The following OR1J2 variants were observed in gnomAD, a reference collection of about 807,000 sequenced individuals.
The protein encoded by OR1J2 is olfactory receptor family 1 subfamily J member 2.
For synonymous variants in OR1J2, 142 were observed against 99.7 expected (o/e 1.42, Z -2.52); for missense variants, 304 against 246.1 (o/e 1.24, Z -1.57).
upstream of OR1J2, among the ~76,000 whole-genome samples, chr9:122,506,225 T>C (rs1481769481): frequency 6.6e-6 from 1 of 152,084 alleles, no homozygotes; most frequent in Non-Finnish European, 1.5e-5. Flanking sequence ...AAACAGAGGG[T>C]AGAACAGAAG....
chr9:122,572,558 G>GC, the OR1J2 span, among the ~76,000 whole-genome samples: 1 of 142,476 alleles, frequency 7.0e-6, no homozygotes, highest in Non-Finnish European at 1.5e-5. Context: ...TCATTGTTTT[G>GC]TTTTTTTGGT....
Position 122,511,350 on chromosome 9 carries a change from C to G in OR1J2, c.549C>G (p.Ala183=). ...TIPHVFCDLA[A]LLKLSCSDIF... is the part of the protein sequence containing the mutation. ...CCCATGTCTTCTGTGACCTTGCTGC[C>G]CTGCTCAAGCTGTCCTGCTCAGATA... The change falls in exon 1 of 1, where the codon GCC becomes GCG. Residue 183 remains alanine, a synonymous_variant. Coordinates refer to ENST00000335302, the MANE Select transcript of OR1J2 (RefSeq NM_054107.1). 1 of 731,462 alleles carries G rather than the reference C, an allele frequency of 1.4e-6. No individual in the cohort carries two copies. The highest frequency in any genetic ancestry group is 1.9e-5 in the Admixed American group (1 of 53,346). 45.3% of individuals were successfully genotyped at this position (731,462 alleles called of 1,614,324 possible).
Position 122,510,864 on chromosome 9 carries a change from A to G in OR1J2, c.63A>G (p.Pro21=). The G allele has an allele frequency of 6.2e-7, 1 of 1,611,028 alleles. No individual in the cohort carries two copies. Among genetic ancestry groups the G allele is most frequent in the Non-Finnish European group, 8.5e-7 (1 of 1,177,298 alleles). ...TCCTTCTGGGCCTCCCCATCCGGCCAGAGCAGCAGGCTGTGTTCTTCACCC... is the reference window on the plus strand; with the variant it reads ...TCCTTCTGGGCCTCCCCATCCGGCCGGAGCAGCAGGCTGTGTTCTTCACCC... The part of the protein sequence containing the change: ...EFLLLGLPIR[P]EQQAVFFTLF... Residue 21 remains proline, a synonymous_variant, in exon 1 of 1, where the codon CCA becomes CCG. Coordinates refer to ENST00000335302, the MANE Select transcript of OR1J2 (RefSeq NM_054107.1).
At chr9:122,448,048 G>A in the OR1J2 span, among the ~76,000 whole-genome samples, 1 of 152,144 alleles carries the variant, frequency 6.6e-6, no homozygotes, top group East Asian at 1.9e-4. Context: ...CTAGGGAACT[G>A]GCACTCAGCC....
chr9:122,457,352 A>G, the OR1J2 span, among the ~76,000 whole-genome samples: 14,421 of 152,150 alleles, frequency 0.095, 1,076 homozygotes, highest in East Asian at 0.34. Context: ...AAACCTGCAC[A>G]TGTATCCTGG....
the OR1J2 span, among the ~76,000 whole-genome samples, chr9:122,570,239 C>G: frequency 6.6e-6 from 1 of 151,188 alleles, no homozygotes; most frequent in Non-Finnish European, 1.5e-5. Context: ...GTTCTAGATC[C>G]CTGAGGAATC....
At chr9:122,529,432 G>A in the OR1J2 span, among the ~76,000 whole-genome samples, 1 of 152,162 alleles carries the variant, frequency 6.6e-6, no homozygotes, top group Non-Finnish European at 1.5e-5. Flanking sequence ...ATTTGTGTTG[G>A]CATATACTGC....
At chr9:122,552,749 A>AGTGTGTGTGTGTGT in the OR1J2 span, among the ~76,000 whole-genome samples, 370 of 129,738 alleles carry the variant, frequency 2.9e-3, 6 homozygotes, top group South Asian at 4.2e-3. Flanking sequence ...AGAGGGCTTG[A>AGTGTGTGTGTGTGT]GTGTGTGTGT....
At chr9:122,508,929 T>C (rs918673329), upstream of OR1J2, among the ~76,000 whole-genome samples, 1 of 152,204 alleles carries the variant, frequency 6.6e-6, no homozygotes, top group African/African-American at 2.4e-5. Flanking sequence ...CTTGTTTTCT[T>C]GCTTTTTTCT....
the OR1J2 span, among the ~76,000 whole-genome samples, chr9:122,579,333 A>G: frequency 1.3e-5 from 2 of 152,276 alleles, no homozygotes; most frequent in South Asian, 4.1e-4. Context: ...TTGTAATTGA[A>G]TTTTAAAAAT....
At chr9:122,492,275 G>C in the OR1J2 span, among the ~76,000 whole-genome samples, 1 of 152,140 alleles carries the variant, frequency 6.6e-6, no homozygotes, top group South Asian at 2.1e-4. Flanking sequence ...TCCTGAGTTA[G>C]TTCACTTAGG....
the OR1J2 span, among the ~76,000 whole-genome samples, chr9:122,532,656 G>C: frequency 4.0e-5 from 6 of 150,876 alleles, no homozygotes; most frequent in African/African-American, 1.2e-4. Flanking sequence ...TATGAGAGCT[G>C]TAGAGAGTGA....
At chr9:122,577,713 G>C in the OR1J2 span, among the ~76,000 whole-genome samples, 3 of 152,232 alleles carry the variant, frequency 2.0e-5, no homozygotes, top group Non-Finnish European at 1.5e-5. Context: ...ACTCTGTAGA[G>C]AATTTGACAG....
At chr9:122,532,054 A>AGATGGAACACTG in the OR1J2 span, among the ~76,000 whole-genome samples, 6 of 96,808 alleles carry the variant, frequency 6.2e-5, no homozygotes, top group African/African-American at 1.7e-4. Context: ...GTAGAATAGC[A>AGATGGAACACTG]AATTTGCCAG....
chr9:122,482,525 T>C, the OR1J2 span, among the ~76,000 whole-genome samples: 1 of 152,154 alleles, frequency 6.6e-6, no homozygotes, highest in Non-Finnish European at 1.5e-5. Context: ...GAGTATATAT[T>C]CAAAGGAAAT....
downstream of OR1J2, among the ~76,000 whole-genome samples, chr9:122,514,658 A>G (rs1485614695): frequency 6.6e-6 from 1 of 152,184 alleles, no homozygotes; most frequent in African/African-American, 2.4e-5. Context: ...TATTATTTGT[A>G]TTTCCATCAT....
At chr9:122,450,626 A>G in the OR1J2 span, among the ~76,000 whole-genome samples, 1 of 152,178 alleles carries the variant, frequency 6.6e-6, no homozygotes, top group Non-Finnish European at 1.5e-5. Context: ...TCTTTCAGCC[A>G]TTTTGAAATC....
the OR1J2 span, among the ~76,000 whole-genome samples, chr9:122,463,336 C>CT: frequency 6.6e-6 from 1 of 152,096 alleles, no homozygotes; most frequent in Non-Finnish European, 1.5e-5. Flanking sequence ...TATCCTGTAT[C>CT]TTTTTTTGAT....
the OR1J2 span, among the ~76,000 whole-genome samples, chr9:122,449,582 G>T: frequency 1.3e-5 from 2 of 152,104 alleles, no homozygotes; most frequent in Non-Finnish European, 2.9e-5. Context: ...TGTTAGCCAG[G>T]ATGGTCTCGA....
Sources: gnomAD v4.1 joint callset for allele counts (sites outside exome capture counted in the v4.1 genomes callset) on GRCh38, gnomAD v4.1.1 for gene constraint, MANE v1.5 for transcripts, NCBI Gene and HGNC (gene_info 2026-07-23, HGNC 2026-07-21) for gene names.